ALKBH8: variants seen among roughly 807,000 people sequenced by gnomAD.
The protein encoded by ALKBH8 is tRNA (carboxymethyluridine(34)-5-O)-methyltransferase ALKBH8.
In ALKBH8, 36 loss-of-function variants were observed where a neutral mutation model predicts 59.8. The observed-to-expected ratio is 0.60, with a 90% CI of 0.46 to 0.79. The LOEUF (loss-of-function observed/expected upper bound fraction) is 0.79, where lower values mean the gene tolerates loss of function less well. Among genes scored for constraint, ALKBH8 ranks in the 30% least tolerant of loss-of-function variants. ALKBH8 has a pLI of 0.00. For synonymous variants in ALKBH8, 276 were observed against 273.6 expected (o/e 1.01, Z -0.09); for missense variants, 768 against 801.0 (o/e 0.96, Z 0.50).
At position 107,556,824 on chromosome 11, in the gene ALKBH8, T is replaced by C; in HGVS notation, c.309A>G (p.Lys103=). 1 of 1,517,272 alleles carries C rather than the reference T, an allele frequency of 6.6e-7. No homozygotes were observed. Among genetic ancestry groups the C allele is most frequent in the East Asian group, 2.5e-5 (1 of 40,784 alleles). The allele number at this position is 1,517,272 out of a possible 1,614,324, so 94.0% of individuals were successfully genotyped here. ...SKRAYVTLNG[K]EVVDDLGQKI... is the part of the protein sequence containing the mutation. ...TTTGTCCTAAATCATCCACTACTTC[T>C]TTTCCATTGAGGGTAACATAGGCTC... The change falls in exon 3 of 12, where the codon AAA becomes AAG. Residue 103 remains lysine (K), a synonymous_variant. Transcript: ENST00000428149.
chr11:107,511,049 A>C lies in ALKBH8; in HGVS notation c.1288-13T>G. On this transcript the variant is annotated splice_polypyrimidine_tract_variant and intron_variant, in intron 10 of 11. Transcript: ENST00000428149. The stretch of plus-strand genomic sequence containing the variant: ...GATCACAACCAATCTGTAACAGAGA[A>C]GGAATTCCATAACATTTTGTTTAAA... 1 of 1,550,858 alleles carries C rather than the reference A, an allele frequency of 6.4e-7. No homozygotes were observed. The highest frequency in any genetic ancestry group is 1.2e-5 in the South Asian group (1 of 83,738).
chr11:107,540,631 C>T (rs914152955), intron 7 of ALKBH8, among the ~76,000 whole-genome samples: 1 of 152,182 alleles, frequency 6.6e-6, no homozygotes, highest in Non-Finnish European at 1.5e-5. Flanking sequence ...TGTGTTTACA[C>T]TGAGACCACT....
At position 107,532,489 on chromosome 11, in the gene ALKBH8, T is replaced by A; in HGVS notation, c.772-83A>T. The A allele has an allele frequency of 2.7e-6, 3 of 1,111,076 alleles. No individual in the cohort carries two copies. The Admixed American group carries it at 5.5e-5, about 20-fold the overall frequency. 68.8% of individuals were successfully genotyped at this position (1,111,076 alleles called of 1,614,324 possible). Reference sequence around the variant, plus strand: ...AAGAATGATTAATAGAGTTTGGCTATTTTTCTAGGCTAACAGAGATTAAAA... The same window carrying A: ...AAGAATGATTAATAGAGTTTGGCTAATTTTCTAGGCTAACAGAGATTAAAA... On this transcript the variant is annotated intron_variant, in intron 7 of 11. Coordinates refer to ENST00000428149, the MANE Select transcript of ALKBH8 (RefSeq NM_138775.3).
chr11:107,546,214 G>C (rs1489157105), intron 7 of ALKBH8, among the ~76,000 whole-genome samples: 1 of 151,992 alleles, frequency 6.6e-6, no homozygotes, highest in East Asian at 1.9e-4. Flanking sequence ...TTAGGTATTG[G>C]TTTTAGGGAG....
At chr11:107,510,697 T>C (rs904932832) in intron 11 of ALKBH8, among the ~76,000 whole-genome samples, 190 bp downstream of exon 11, 1 of 152,218 alleles carries the variant, frequency 6.6e-6, no homozygotes, top group Admixed American at 6.5e-5. Flanking sequence ...GGCCTCTGTT[T>C]AAGTAGAAGA....
chr11:107,540,569 C>T (rs1451209397), intron 7 of ALKBH8, among the ~76,000 whole-genome samples: 2 of 152,114 alleles, frequency 1.3e-5, no homozygotes, highest in Non-Finnish European at 1.5e-5. Context: ...ATTGCACATC[C>T]AATATTATAA....
At chr11:107,522,647 A>C in intron 9 of ALKBH8, 92 bp from the exon 10 acceptor site, 1 of 1,371,434 alleles carries the variant, frequency 7.3e-7, no homozygotes, top group Non-Finnish European at 9.7e-7. Context: ...AATCAATGCA[A>C]ATTTGGTGGG....
In ALKBH8 at chr11:107,556,960, C is replaced by T. The variant is rs755059121; in HGVS notation, c.173G>A (p.Arg58Gln). The change falls in exon 3 of 12, where the codon CGG becomes CAG. Residue 58 changes from arginine to glutamine, a missense_variant. Physicochemically the swap from Arg to Gln is conservative, Grantham distance 43. Coordinates refer to ENST00000428149, the MANE Select transcript of ALKBH8 (RefSeq NM_138775.3). ...ANGGLGNGVS[R>Q]NQLLPVLEKC... ...CTCTAAAACCGGGAGCAGCTGGTTC[C>T]GACTCACACCATTACCCAAACCACC... 1.7e-5 allele frequency: 28 copies of T among 1,608,572 alleles called. No individual in the cohort carries two copies. The highest frequency in any genetic ancestry group is 3.4e-5 in the Admixed American group (2 of 59,298).
At chr11:107,535,417 T>C (rs1187681405) in intron 7 of ALKBH8, among the ~76,000 whole-genome samples, 3 of 152,154 alleles carry the variant, frequency 2.0e-5, no homozygotes, top group African/African-American at 7.2e-5. Flanking sequence ...GCTAACATCT[T>C]TTATTTTTTA....
chr11:107,559,863 G>A (rs1864867196), intron 2 of ALKBH8, among the ~76,000 whole-genome samples: 1 of 152,158 alleles, frequency 6.6e-6, no homozygotes, highest in Non-Finnish European at 1.5e-5. Flanking sequence ...TGGTCTGAGA[G>A]TTGAGAGGCC....
chr11:107,553,283 A>T (rs1030372646), intron 4 of ALKBH8, 80 bp from the exon 5 acceptor site: 16 of 922,648 alleles, frequency 1.7e-5, no homozygotes, highest in Non-Finnish European at 2.4e-5. Context: ...CTTTTTGAGT[A>T]AGGATTAGTT....
At chr11:107,544,990 A>C (rs1422534260) in intron 7 of ALKBH8, among the ~76,000 whole-genome samples, 3 of 152,158 alleles carry the variant, frequency 2.0e-5, no homozygotes, top group African/African-American at 7.2e-5. Flanking sequence ...GAGGAGCTAC[A>C]CAGCAGAGAC....
intron 1 of ALKBH8, chr11:107,562,600 A>G (rs1864981153): frequency 6.6e-6 from 1 of 152,168 alleles, no homozygotes; most frequent in African/African-American, 2.4e-5. Context: ...TGAAATCATA[A>G]ACAGTCAAAA....
intron 1 of ALKBH8, chr11:107,563,883 T>C (rs868712991): frequency 6.6e-6 from 1 of 152,252 alleles, no homozygotes; most frequent in African/African-American, 2.4e-5. Context: ...TGCAATATTA[T>C]TGCACGTGAA....
rs540184627 is a variant in ALKBH8, at chr11:107,542,594, T to C, written c.771+7159A>G. ...CGGTACTTAAAAGCAAAATTTATAA[T>C]CATTGAAATACATTTCAAGAATATT... is the stretch of plus-strand genomic sequence containing the variant. On this transcript the variant is annotated intron_variant, in intron 7 of 11. Transcript: ENST00000428149. 2.6e-5 allele frequency among the ~76,000 whole-genome samples: 4 copies of C among 152,288 alleles called. No homozygotes were observed. In the South Asian group the frequency reaches 8.3e-4, roughly 32 times the overall value.
rs1163483964 is a variant in ALKBH8 at position 107,565,630 on chromosome 11, C to T, written c.-36G>A. 1 of 1,535,732 alleles carries T rather than the reference C, an allele frequency of 6.5e-7. No homozygotes were observed. The highest frequency in any genetic ancestry group is 2.4e-5 in the East Asian group (1 of 40,910). ...GCTTCGGCTCAGGCCGGATTCTCAC[C>T]ATGCGTGTGCCTTCTTCTTTGCCAG... On this transcript the variant is annotated 5_prime_UTR_variant, in exon 1 of 12. An upstream start codon of the reference 5' UTR is lost. Coordinates refer to ENST00000428149, the MANE Select transcript of ALKBH8 (RefSeq NM_138775.3).
intron 7 of ALKBH8, among the ~76,000 whole-genome samples, chr11:107,548,933 C>T (rs1864380292): frequency 6.6e-6 from 1 of 152,058 alleles, no homozygotes. Flanking sequence ...TCACTGCAAC[C>T]TCTGCCTCCC....
intron 11 of ALKBH8, among the ~76,000 whole-genome samples, chr11:107,506,095 G>T (rs1263058323): frequency 6.6e-6 from 1 of 152,278 alleles, no homozygotes; most frequent in East Asian, 1.9e-4. Flanking sequence ...TAGAGAGACA[G>T]ACATTGGAAT....
rs202196174 is a variant in ALKBH8 at position 107,560,910 on chromosome 11, AC to A, written c.-6-12del. On this transcript the variant is annotated splice_polypyrimidine_tract_variant and intron_variant, in intron 1 of 11. Coordinates refer to ENST00000428149, the MANE Select transcript of ALKBH8 (RefSeq NM_138775.3). ...GCTGTCCATAGCAAACTGTAAAAAAACAAGACAGTAAAAAAGTCAACCTTAA... is the reference window on the plus strand; with the variant it reads ...GCTGTCCATAGCAAACTGTAAAAAAAAAGACAGTAAAAAAGTCAACCTTAA... The A allele has an allele frequency of 1.8e-3, 2,709 of 1,515,864 alleles. No homozygotes were observed. Among genetic ancestry groups the A allele is most frequent in the African/African-American group, 8.0e-3 (570 of 71,240 alleles). The allele number at this position is 1,515,864 out of a possible 1,614,324, so 93.9% of individuals were successfully genotyped here.
Sources: allele counts gnomAD v4.1 joint callset (sites outside exome capture counted in the v4.1 genomes callset), GRCh38; gene constraint gnomAD v4.1.1; transcripts MANE v1.5; gene names NCBI Gene and HGNC (gene_info 2026-07-23, HGNC 2026-07-21).